The following B4GALT6 variants were observed in gnomAD, a reference collection of about 807,000 sequenced individuals.
B4GALT6 encodes the protein beta-1,4-galactosyltransferase 6.
Under a neutral mutation model 46.3 loss-of-function variants are expected in B4GALT6, and 14 were observed. That is an observed-to-expected ratio of 0.30 (90% CI 0.20 to 0.47). The LOEUF (loss-of-function observed/expected upper bound fraction) is 0.47. Among genes scored for constraint, B4GALT6 ranks in the 20% least tolerant of loss-of-function variants. The pLI, the probability that B4GALT6 is intolerant of heterozygous loss-of-function variation, is 0.99. For missense variants in B4GALT6, 386 were observed against 480.1 expected, an observed-to-expected ratio of 0.80 and a Z score of 1.83; for synonymous variants, 168 against 162.0, an observed-to-expected ratio of 1.04 and a Z score of -0.28.
chr18:31,629,563 AT>A (rs1464684483), intron 6 of B4GALT6, among the ~76,000 whole-genome samples: 1 of 138,992 alleles, frequency 7.2e-6, no homozygotes, highest in African/African-American at 2.7e-5. Context: ...TAAGAACCAG[AT>A]TGTTGCCGGG....
chr18:31,674,882 G>A (rs2074398583), intron 1 of B4GALT6, among the ~76,000 whole-genome samples: 1 of 152,040 alleles, frequency 6.6e-6, no homozygotes, highest in South Asian at 2.1e-4. Flanking sequence ...TTATGTCAAA[G>A]TACTATTTGA....
intron 3 of B4GALT6, among the ~76,000 whole-genome samples, chr18:31,653,150 G>A (rs1187727613): frequency 6.6e-6 from 1 of 151,730 alleles, no homozygotes; most frequent in African/African-American, 2.4e-5. Context: ...CTCACCTCAT[G>A]GATGCCTAGG....
the B4GALT6 span, among the ~76,000 whole-genome samples, chr18:31,698,486 G>A: frequency 1.3e-5 from 2 of 151,804 alleles, no homozygotes; most frequent in East Asian, 3.9e-4. Flanking sequence ...AAAACAATTA[G>A]CCAGGCATGG....
At chr18:31,682,338 G>A (rs759858043) in intron 1 of B4GALT6, among the ~76,000 whole-genome samples, 27 of 152,192 alleles carry the variant, frequency 1.8e-4, no homozygotes, top group Non-Finnish European at 2.6e-4. Context: ...TTTGGAAACA[G>A]ATTCAGCTTG....
chr18:31,724,608 G>A, the B4GALT6 span: 2 of 1,062,426 alleles, frequency 1.9e-6, no homozygotes, highest in Admixed American at 4.4e-5. Flanking sequence ...GCTGCCCCGG[G>A]GCCAGAGCAG....
intron 1 of B4GALT6, among the ~76,000 whole-genome samples, chr18:31,682,151 A>G (rs532891597): frequency 6.6e-6 from 1 of 152,290 alleles, no homozygotes; most frequent in African/African-American, 2.4e-5. Flanking sequence ...TCTGACCTAC[A>G]TTTTCTCGAA....
rs888210396 is a variant in B4GALT6, at chr18:31,640,888, A to T, written c.472-2128T>A. On this transcript the variant is annotated intron_variant, in intron 4 of 8. Coordinates refer to ENST00000306851, the MANE Select transcript of B4GALT6 (RefSeq NM_004775.5). ...GCTAGCTCAGGGGTTTACTTTTAGGATGGAAAAGTGCTATGAAAAGTAAAA... is the reference window on the plus strand; with the variant it reads ...GCTAGCTCAGGGGTTTACTTTTAGGTTGGAAAAGTGCTATGAAAAGTAAAA... Among the ~76,000 whole-genome samples, 14 of 152,256 alleles carry T rather than the reference A, an allele frequency of 9.2e-5. 1 individual carries two copies. The highest frequency in any genetic ancestry group is 3.4e-4 in the African/African-American group (14 of 41,464).
intron 5 of B4GALT6, among the ~76,000 whole-genome samples, chr18:31,634,637 G>A (rs533012997): frequency 6.6e-6 from 1 of 152,322 alleles, no homozygotes; most frequent in South Asian, 2.1e-4. Flanking sequence ...CATTTTAGGA[G>A]TTTGGAAAGA....
chr18:31,722,972 C>A, the B4GALT6 span, among the ~76,000 whole-genome samples: 1 of 152,162 alleles, frequency 6.6e-6, no homozygotes, highest in Non-Finnish European at 1.5e-5. Context: ...ACATACTAAT[C>A]ATGAGGTTGG....
intron 1 of B4GALT6, among the ~76,000 whole-genome samples, chr18:31,672,581 G>A (rs1598924727): frequency 6.6e-6 from 1 of 152,192 alleles, no homozygotes; most frequent in African/African-American, 2.4e-5. Context: ...CACGTGAAAT[G>A]CTGCAGATGC....
chr18:31,722,565 CG>C, the B4GALT6 span, among the ~76,000 whole-genome samples: 1 of 152,138 alleles, frequency 6.6e-6, no homozygotes, highest in Admixed American at 6.6e-5. Context: ...CCCCTAGAGG[CG>C]GCTTTGAGAA....
chr18:31,632,048 C>A (rs2073797972), intron 5 of B4GALT6, among the ~76,000 whole-genome samples: 1 of 152,072 alleles, frequency 6.6e-6, no homozygotes, highest in Non-Finnish European at 1.5e-5. Flanking sequence ...CAATAAAAAA[C>A]CTTCATTCTG....
At chr18:31,689,263 C>T (rs2030029192), upstream of B4GALT6, among the ~76,000 whole-genome samples, 1 of 152,116 alleles carries the variant, frequency 6.6e-6, no homozygotes, top group Non-Finnish European at 1.5e-5. Flanking sequence ...GCCAGCAAAT[C>T]CTAGGCCGAC....
At chr18:31,692,483 T>G in the B4GALT6 span, among the ~76,000 whole-genome samples, 2 of 152,202 alleles carry the variant, frequency 1.3e-5, no homozygotes, top group African/African-American at 4.8e-5. Flanking sequence ...TTTCATACAC[T>G]TTTGGCTTAC....
the B4GALT6 span, among the ~76,000 whole-genome samples, chr18:31,700,435 T>TGTGTGTGTGTGTG: frequency 7.2e-5 from 10 of 139,466 alleles, no homozygotes; most frequent in African/African-American, 2.6e-4. Flanking sequence ...AATTGACTAT[T>TGTGTGTGTGTGTG]TGTGTGTGTG....
the B4GALT6 span, among the ~76,000 whole-genome samples, chr18:31,698,138 C>T: frequency 6.6e-6 from 1 of 152,292 alleles, no homozygotes; most frequent in East Asian, 1.9e-4. Context: ...TTTTAATTTT[C>T]CATCTCTTCA....
chr18:31,641,221 GCTC>G (rs1567964022), intron 4 of B4GALT6, among the ~76,000 whole-genome samples: 1 of 152,190 alleles, frequency 6.6e-6, no homozygotes, highest in Non-Finnish European at 1.5e-5. Flanking sequence ...TAAAGTTCTA[GCTC>G]CTAATACAAT....
the B4GALT6 span, among the ~76,000 whole-genome samples, chr18:31,699,920 A>G: frequency 6.6e-6 from 1 of 152,360 alleles, no homozygotes; most frequent in Non-Finnish European, 1.5e-5. Flanking sequence ...TGATTAGTCA[A>G]GTAATAGAGA....
At chr18:31,688,272 T>TATATACATATATATATATAC (rs1555643360), upstream of B4GALT6, among the ~76,000 whole-genome samples, 1 of 149,690 alleles carries the variant, frequency 6.7e-6, no homozygotes, top group African/African-American at 2.5e-5. Context: ...TATATATATA[T>TATATACATATATATATATAC]ACACACACAC....
Sources: allele counts gnomAD v4.1 joint callset (sites outside exome capture counted in the v4.1 genomes callset), GRCh38; gene constraint gnomAD v4.1.1; transcripts MANE v1.5; gene names NCBI Gene and HGNC (gene_info 2026-07-23, HGNC 2026-07-21).